RTTN: variants seen among roughly 807,000 people sequenced by gnomAD.
RTTN encodes the protein rotatin.
A neutral mutation model predicts 269.2 loss-of-function variants in RTTN; 182 were observed. The ratio of observed to expected loss-of-function variants is 0.68; its 90% CI spans 0.60 to 0.76. The LOEUF (loss-of-function observed/expected upper bound fraction) is 0.76, where lower values mean the gene tolerates loss of function less well. Ranked by LOEUF, RTTN falls within the 30% of genes least tolerant of loss-of-function variation. The probability of loss-of-function intolerance (pLI) is 0.00; values close to 1 mark genes in which losing one functional copy is unlikely to be tolerated. For synonymous variants in RTTN, 1,006 were observed against 963.5 expected (o/e 1.04, Z -0.82); for missense variants, 2,545 against 2,608.6 (o/e 0.98, Z 0.53).
chr18:70,084,438 T>C (rs1475969699), intron 32 of RTTN, among the ~76,000 whole-genome samples: 2 of 152,152 alleles, frequency 1.3e-5, no homozygotes, highest in Non-Finnish European at 2.9e-5. Context: ...CCCTTTTTCA[T>C]GGTTGCAAAG....
chr18:70,044,610 CAAT>C (rs774809097), intron 40 of RTTN, among the ~76,000 whole-genome samples: 18 of 152,190 alleles, frequency 1.2e-4, no homozygotes, highest in Middle Eastern at 3.4e-3. Context: ...AGGAGACTAA[CAAT>C]AATAATAACA....
At chr18:70,062,901 T>C (rs1439501774) in intron 35 of RTTN, among the ~76,000 whole-genome samples, 1 of 152,206 alleles carries the variant, frequency 6.6e-6, no homozygotes, top group Non-Finnish European at 1.5e-5. Flanking sequence ...TTCTAATAGC[T>C]GTAGTTCTCC....
At chr18:70,091,540 G>A (rs1248045804) in intron 30 of RTTN, 1 of 152,286 alleles carries the variant, frequency 6.6e-6, no homozygotes, top group Non-Finnish European at 1.5e-5. Flanking sequence ...GCCAGAAGAA[G>A]AGCCCTCACC....
At chr18:70,039,777 A>G (rs685539) in intron 40 of RTTN, among the ~76,000 whole-genome samples, 1 of 152,332 alleles carries the variant, frequency 6.6e-6, no homozygotes, top group African/African-American at 2.4e-5. Flanking sequence ...AAGACAGTAC[A>G]ATAAGACATA....
chr18:70,064,817 A>T (rs1210677578), intron 35 of RTTN, among the ~76,000 whole-genome samples: 1 of 152,186 alleles, frequency 6.6e-6, no homozygotes, highest in African/African-American at 2.4e-5. Context: ...CACTTTAAAC[A>T]AGTGAATTAT....
intron 28 of RTTN, among the ~76,000 whole-genome samples, chr18:70,093,827 C>G (rs1047375428): frequency 2.0e-5 from 3 of 151,536 alleles, no homozygotes; most frequent in Non-Finnish European, 4.4e-5. Context: ...AAATGAGTTA[C>G]GGAGGATTCC....
intron 30 of RTTN, among the ~76,000 whole-genome samples, chr18:70,088,551 T>G (rs1415501516): frequency 6.6e-6 from 1 of 152,182 alleles, no homozygotes; most frequent in Non-Finnish European, 1.5e-5. Context: ...TTAACTTTCT[T>G]AAAACTTCTA....
chr18:70,133,640 T>TAA (rs2060051993), intron 23 of RTTN, among the ~76,000 whole-genome samples: 1 of 152,120 alleles, frequency 6.6e-6, no homozygotes, highest in Non-Finnish European at 1.5e-5. Context: ...GCACTCTATT[T>TAA]ATAAAGTTCA....
At chr18:70,023,555 G>C (rs997716499) in intron 44 of RTTN, among the ~76,000 whole-genome samples, 1 of 152,048 alleles carries the variant, frequency 6.6e-6, no homozygotes, top group South Asian at 2.1e-4. Context: ...GTGCACTCAG[G>C]CTCATTTCTC....
At chr18:70,083,148 G>A (rs1307722511) in intron 32 of RTTN, among the ~76,000 whole-genome samples, 1 of 152,118 alleles carries the variant, frequency 6.6e-6, no homozygotes, top group East Asian at 1.9e-4. Flanking sequence ...GCAGGGGCCT[G>A]GTATCAAGGC....
intron 46 of RTTN, among the ~76,000 whole-genome samples, chr18:70,013,981 C>T (rs911604778): frequency 1.3e-5 from 2 of 152,156 alleles, no homozygotes; most frequent in Non-Finnish European, 2.9e-5. Context: ...TCTAATCTAT[C>T]TTCTAATTCC....
chr18:70,054,252 C>CA lies in RTTN; in HGVS notation c.5063dup (p.Leu1688PhefsTer14). 6.2e-7 allele frequency: 1 copy of CA among 1,613,456 alleles called. No homozygotes were observed. Among genetic ancestry groups the CA allele is most frequent in the Non-Finnish European group, 8.5e-7 (1 of 1,179,734 alleles). On this transcript the variant is annotated frameshift_variant, in exon 38 of 49. Coordinates refer to ENST00000640769, the MANE Select transcript of RTTN (RefSeq NM_173630.4). LOFTEE classifies it high-confidence loss of function. ...ATAAACATGACTGCAGAAGCCTGGA[C>CA]AAAGAGGATAGGTATTCCAGGAGAA...
intron 10 of RTTN, among the ~76,000 whole-genome samples, chr18:70,185,464 G>A (rs2061523953): frequency 6.6e-6 from 1 of 152,046 alleles, no homozygotes; most frequent in Non-Finnish European, 1.5e-5. Context: ...AACAAACTAA[G>A]AATACATGGA....
chr18:70,184,707 TTTTTTTTTTTGTG>T (rs1202636672), intron 10 of RTTN, among the ~76,000 whole-genome samples: 783 of 60,700 alleles, frequency 0.013, 16 homozygotes, highest in African/African-American at 0.045. Flanking sequence ...CAGCAGGTTT[TTTTTTTTTTTGTG>T]TGTGTGTGTG....
intron 40 of RTTN, among the ~76,000 whole-genome samples, chr18:70,047,457 A>T (rs1483911770): frequency 6.6e-6 from 1 of 152,214 alleles, no homozygotes; most frequent in Non-Finnish European, 1.5e-5. Flanking sequence ...GACTGTAAAC[A>T]TAATTTTATA....
At position 70,065,866 on chromosome 18, in the gene RTTN, A is replaced by G. The variant is rs1308259230; in HGVS notation, c.4710T>C (p.Leu1570=). 1.2e-6 allele frequency: 2 copies of G among 1,602,022 alleles called. No homozygotes were observed. Among genetic ancestry groups the G allele is most frequent in the Middle Eastern group, 1.7e-4 (1 of 6,006 alleles). Residue 1570 remains leucine, a synonymous_variant, in exon 35 of 49, where the codon CTT becomes CTC. Transcript: ENST00000640769. ...ACTGGTCATGGGAGGCTTCAGGTAG[A>G]AGTGTTGTTGACTGCACAAGTGGCT... ...EFQPLVQSTT[L]LPEASHDQFV...
At position 70,168,624 on chromosome 18, in the gene RTTN, T is replaced by A. The variant is rs1235235063; in HGVS notation, c.1689+231A>T. Among the ~76,000 whole-genome samples the A allele has an allele frequency of 2.0e-5, 3 of 152,182 alleles. No individual in the cohort carries two copies. In the East Asian group the frequency reaches 5.8e-4, roughly 29 times the overall value. ...GTAATAACCACTGCTTTTTTGTAAATCACTGATGTTAGGAATATACACCAT... is the reference window on the plus strand; with the variant it reads ...GTAATAACCACTGCTTTTTTGTAAAACACTGATGTTAGGAATATACACCAT... On this transcript the variant is annotated intron_variant, in intron 12 of 48. Coordinates refer to ENST00000640769, the MANE Select transcript of RTTN (RefSeq NM_173630.4).
At chr18:70,088,375 G>C (rs1017561504) in intron 30 of RTTN, among the ~76,000 whole-genome samples, 1 of 152,010 alleles carries the variant, frequency 6.6e-6, no homozygotes, top group Non-Finnish European at 1.5e-5. Flanking sequence ...AGTAAAACTG[G>C]GTATAAAAAG....
chr18:70,205,501 C>G, intron 1 of RTTN, 127 bp downstream of exon 1: 2 of 1,402,596 alleles, frequency 1.4e-6, no homozygotes, highest in Non-Finnish European at 2.0e-6. Flanking sequence ...GGGGGCTATC[C>G]TGACAAAGCG....
Sources: gnomAD v4.1 joint callset for allele counts (sites outside exome capture counted in the v4.1 genomes callset) on GRCh38, gnomAD v4.1.1 for gene constraint, MANE v1.5 for transcripts, NCBI Gene and HGNC (gene_info 2026-07-23, HGNC 2026-07-21) for gene names.